Variants in KRABD4 observed in about 807,000 individuals in gnomAD.
The protein encoded by KRABD4 is KRAB domain-containing protein 4.
the KRABD4 span, among the ~76,000 whole-genome samples, chrX:46,461,701 CCTTTCCCCTTTTGCTTCAGT>C: frequency 2.5e-3 from 281 of 112,140 alleles, 4 homozygotes; most frequent in East Asian, 0.041. Flanking sequence ...CAAGCACAGA[CCTTTCCCCTTTTGCTTCAGT>C]CAGCTGCCCA....
chrX:46,452,667 T>C, the KRABD4 span, among the ~76,000 whole-genome samples: 6 of 112,508 alleles, frequency 5.3e-5, no homozygotes, highest in Admixed American at 4.7e-4. Flanking sequence ...AACATAGCAG[T>C]GTATAGTAGA....
At chrX:46,455,171 G>A in the KRABD4 span, 2 of 1,009,312 alleles carry the variant, frequency 2.0e-6, no homozygotes, top group Non-Finnish European at 2.7e-6. Context: ...CTAAGTAGAA[G>A]TTATAACCAC....
At chrX:46,456,044 A>C in the KRABD4 span, 1 of 357,253 alleles carries the variant, frequency 2.8e-6, no homozygotes. Context: ...CTCTTCTGAA[A>C]TCTACTCTTC....
At chrX:46,465,818 A>G in the KRABD4 span, among the ~76,000 whole-genome samples, 1 of 111,252 alleles carries the variant, frequency 9.0e-6, no homozygotes, top group Non-Finnish European at 1.9e-5. Context: ...GCTGAGAGGA[A>G]TTGCAAGGAA....
At chrX:46,456,325 AATTT>A in the KRABD4 span, 3 of 107,058 alleles carry the variant, frequency 2.8e-5, no homozygotes, top group Admixed American at 1.0e-4. Context: ...TATAAAGTAT[AATTT>A]ATTAATTATT....
the KRABD4 span, among the ~76,000 whole-genome samples, chrX:46,459,594 G>C: frequency 9.0e-6 from 1 of 111,390 alleles, no homozygotes; most frequent in African/African-American, 3.3e-5. Context: ...TTTTCCTAAT[G>C]ACATCTTTTC....
At chrX:46,451,374 C>A in the KRABD4 span, among the ~76,000 whole-genome samples, 5 of 111,594 alleles carry the variant, frequency 4.5e-5, no homozygotes, top group Non-Finnish European at 7.5e-5. Flanking sequence ...CCCATCTTGC[C>A]TTTTGCACCT....
the KRABD4 span, chrX:46,471,255 C>G: frequency 9.8e-7 from 1 of 1,019,221 alleles, no homozygotes; most frequent in Non-Finnish European, 1.3e-6. Flanking sequence ...TAATGTCCCT[C>G]TTTGTGCCAG....
the KRABD4 span, among the ~76,000 whole-genome samples, chrX:46,467,666 C>T: frequency 2.3e-3 from 255 of 111,846 alleles, no homozygotes; most frequent in African/African-American, 7.9e-3. Flanking sequence ...ATAGGGGGAT[C>T]TCATTGTGAT....
chrX:46,451,553 A>G, the KRABD4 span, among the ~76,000 whole-genome samples: 40 of 111,819 alleles, frequency 3.6e-4, no homozygotes, highest in African/African-American at 1.2e-3. Flanking sequence ...CTCTGTATCT[A>G]CTTGCTCTGT....
chrX:46,472,816 C>T, the KRABD4 span: 5 of 1,211,597 alleles, frequency 4.1e-6, no homozygotes, highest in South Asian at 7.0e-5. Context: ...CCTTGGCAAG[C>T]TGCATTCATA....
the KRABD4 span, among the ~76,000 whole-genome samples, chrX:46,457,623 GTTT>G: frequency 1.3e-5 from 1 of 75,302 alleles, no homozygotes; most frequent in Non-Finnish European, 2.6e-5. Flanking sequence ...GCCTTTCAGA[GTTT>G]TTTTTTTTTT....
the KRABD4 span, among the ~76,000 whole-genome samples, chrX:46,452,844 A>T: frequency 4.0e-4 from 45 of 112,522 alleles, no homozygotes; most frequent in African/African-American, 1.3e-3. Flanking sequence ...TTTCCTGTAA[A>T]TGGGAAATCA....
the KRABD4 span, among the ~76,000 whole-genome samples, chrX:46,457,785 C>T: frequency 9.1e-6 from 1 of 109,946 alleles, no homozygotes; most frequent in Admixed American, 9.7e-5. Context: ...CGCTGTGTCA[C>T]CCAGGCTGGA....
At chrX:46,461,556 C>T in the KRABD4 span, among the ~76,000 whole-genome samples, 3 of 111,535 alleles carry the variant, frequency 2.7e-5, no homozygotes, top group African/African-American at 6.5e-5. Context: ...ATGGGTGCAG[C>T]GAGTGGCTTG....
At chrX:46,459,350 G>A in the KRABD4 span, among the ~76,000 whole-genome samples, 31 of 108,556 alleles carry the variant, frequency 2.9e-4, no homozygotes, top group Non-Finnish European at 5.5e-4. Context: ...AATTTCTGAT[G>A]TCTAGGTAGT....
chrX:46,448,677 T>TC, the KRABD4 span: 1 of 112,908 alleles, frequency 8.9e-6, no homozygotes, highest in East Asian at 2.8e-4. Context: ...GGCATGGATG[T>TC]CCCCCCATGG....
chrX:46,473,468 T>G, the KRABD4 span: 1 of 1,002,211 alleles, frequency 1.0e-6, no homozygotes, highest in East Asian at 3.3e-5. Context: ...CAACTCTCAT[T>G]AAACATCAGA....
At chrX:46,456,127 CA>C in the KRABD4 span, 9 of 278,059 alleles carry the variant, frequency 3.2e-5, no homozygotes, top group South Asian at 3.7e-4. Flanking sequence ...TTTCAGAGTT[CA>C]GGGGGTAGTT....
Sources: gnomAD v4.1 joint callset for allele counts (sites outside exome capture counted in the v4.1 genomes callset) on GRCh38, gnomAD v4.1.1 for gene constraint, MANE v1.5 for transcripts, NCBI Gene and HGNC (gene_info 2026-07-23, HGNC 2026-07-21) for gene names.